Variants in PIBF1 observed in about 807,000 individuals in gnomAD.
PIBF1 encodes the protein progesterone immunomodulatory binding factor 1, also known as progesterone-induced-blocking factor 1.
A neutral mutation model predicts 112.5 loss-of-function variants in PIBF1; 90 were observed. That is an observed-to-expected ratio of 0.80 (90% CI 0.67 to 0.95). The LOEUF (loss-of-function observed/expected upper bound fraction) is 0.95, where lower values mean the gene tolerates loss of function less well. PIBF1 is among the 40% of genes least tolerant of loss of function. The pLI, the probability that PIBF1 is intolerant of heterozygous loss-of-function variation, is 0.00. For missense variants in PIBF1, 915 were observed against 852.3 expected (o/e 1.07, Z -0.92); for synonymous variants, 301 against 288.6 (o/e 1.04, Z -0.44).
intron 11 of PIBF1, among the ~76,000 whole-genome samples, chr13:72,900,248 A>C (rs1194511672): frequency 6.6e-6 from 1 of 152,192 alleles, no homozygotes; most frequent in Non-Finnish European, 1.5e-5. Flanking sequence ...GTTAGAAAAA[A>C]AAATTCTAAA....
intron 5 of PIBF1, among the ~76,000 whole-genome samples, chr13:72,800,544 C>T (rs138798368): frequency 0.011 from 1,681 of 152,270 alleles, 17 homozygotes; most frequent in Non-Finnish European, 0.017. Context: ...AACAGCTTCT[C>T]CGTCCGTAAA....
At chr13:72,898,015 A>G (rs1260390742) in intron 11 of PIBF1, among the ~76,000 whole-genome samples, 1 of 152,198 alleles carries the variant, frequency 6.6e-6, no homozygotes, top group African/African-American at 2.4e-5. Flanking sequence ...TACACATCCT[A>G]TTCAACAGCA....
intron 16 of PIBF1, among the ~76,000 whole-genome samples, chr13:72,995,566 A>G (rs942757182): frequency 2.3e-4 from 35 of 152,184 alleles, no homozygotes; most frequent in African/African-American, 8.0e-4. Flanking sequence ...ATGTTGTTAT[A>G]GGAGAGCCAT....
chr13:72,904,301 A>G (rs756198016), intron 11 of PIBF1, among the ~76,000 whole-genome samples: 37 of 151,968 alleles, frequency 2.4e-4, no homozygotes, highest in Non-Finnish European at 5.0e-4. Flanking sequence ...ATCAGATATT[A>G]AAGTAGTTTC....
chr13:72,976,249 G>A (rs2138951860), intron 16 of PIBF1, among the ~76,000 whole-genome samples: 1 of 151,848 alleles, frequency 6.6e-6, no homozygotes, highest in East Asian at 1.9e-4. Context: ...ACTCCAGCCT[G>A]AGCAATGTAG....
At chr13:72,889,309 T>C (rs2039971738) in intron 10 of PIBF1, among the ~76,000 whole-genome samples, 1 of 152,116 alleles carries the variant, frequency 6.6e-6, no homozygotes, top group Non-Finnish European at 1.5e-5. Context: ...TATCTGGAGA[T>C]TTAGGCCCAT....
chr13:72,842,148 G>C (rs980214066), intron 9 of PIBF1, among the ~76,000 whole-genome samples: 1 of 152,142 alleles, frequency 6.6e-6, no homozygotes, highest in Non-Finnish European at 1.5e-5. Context: ...GCTAGCTTAT[G>C]TTTCCTAATT....
chr13:72,939,869 C>G (rs780222364), intron 14 of PIBF1, among the ~76,000 whole-genome samples: 1 of 152,124 alleles, frequency 6.6e-6, no homozygotes, highest in Non-Finnish European at 1.5e-5. Context: ...TACTGCTTCA[C>G]TCCCTTCTAG....
chr13:72,878,076 CCT>C (rs2039483280), intron 10 of PIBF1, among the ~76,000 whole-genome samples: 2 of 151,862 alleles, frequency 1.3e-5, no homozygotes, highest in East Asian at 3.9e-4. Context: ...TAATTTAGGT[CCT>C]CTCTTTTTCT....
chr13:72,925,454 A>G (rs1033354196), intron 13 of PIBF1, among the ~76,000 whole-genome samples: 6 of 151,872 alleles, frequency 4.0e-5, no homozygotes. Flanking sequence ...TCTGGATTCA[A>G]GTCTCTTAAC....
intron 10 of PIBF1, chr13:72,884,702 T>C (rs909224978): frequency 1.3e-4 from 20 of 152,274 alleles, no homozygotes; most frequent in African/African-American, 4.8e-4. Flanking sequence ...ACTTTTAAAC[T>C]TTCTCATTTT....
chr13:72,853,230 A>G (rs955237905), intron 9 of PIBF1, among the ~76,000 whole-genome samples: 13 of 152,100 alleles, frequency 8.5e-5, no homozygotes, highest in Admixed American at 7.8e-4. Context: ...CTTAACTGAC[A>G]CTAAATGTAT....
At chr13:72,851,829 G>A (rs2038173389) in intron 9 of PIBF1, among the ~76,000 whole-genome samples, 1 of 152,218 alleles carries the variant, frequency 6.6e-6, no homozygotes, top group South Asian at 2.1e-4. Context: ...CGATCTGCCT[G>A]CAGAGAGGAG....
At chr13:72,838,549 A>C (rs2037458747) in intron 9 of PIBF1, among the ~76,000 whole-genome samples, 1 of 152,194 alleles carries the variant, frequency 6.6e-6, no homozygotes, top group Non-Finnish European at 1.5e-5. Context: ...ATAGACAAAA[A>C]AAGTAAAGTG....
chr13:72,990,555 A>G (rs1473204539), intron 16 of PIBF1, among the ~76,000 whole-genome samples: 6 of 148,812 alleles, frequency 4.0e-5, no homozygotes, highest in Admixed American at 1.3e-4. Flanking sequence ...AACCTTTTAA[A>G]TGAAGTTTAA....
chr13:72,949,751 A>C lies in PIBF1; in HGVS notation c.1834-15523A>C, dbSNP rs139989904. Among the ~76,000 whole-genome samples the C allele has an allele frequency of 2.1e-3, 325 of 152,346 alleles. 1 individual carries two copies. The highest frequency in any genetic ancestry group is 4.2e-3 in the East Asian group (22 of 5,186). On this transcript the variant is annotated intron_variant, in intron 14 of 17. Transcript: ENST00000326291. ...AAACAATATCCTTACTATGTACAGT[A>C]CATTCTATTAGTTGCTATTCTGTTC...
chr13:72,855,771 T>C (rs1306399264), intron 10 of PIBF1, among the ~76,000 whole-genome samples: 1 of 152,214 alleles, frequency 6.6e-6, no homozygotes, highest in Non-Finnish European at 1.5e-5. Context: ...TTATTACGTG[T>C]AACGCTTCCA....
intron 14 of PIBF1, among the ~76,000 whole-genome samples, chr13:72,933,894 G>A (rs906565592): frequency 3.9e-5 from 6 of 152,184 alleles, no homozygotes; most frequent in Admixed American, 3.3e-4. Context: ...CATGAGAAAA[G>A]GAGGAAGGGC....
intron 5 of PIBF1, among the ~76,000 whole-genome samples, chr13:72,820,178 AG>A (rs1270006246): frequency 6.6e-6 from 1 of 152,134 alleles, no homozygotes; most frequent in African/African-American, 2.4e-5. Flanking sequence ...AAGAACTCTG[AG>A]GTAGGACACC....
Sources: gnomAD v4.1 joint callset for allele counts (sites outside exome capture counted in the v4.1 genomes callset) on GRCh38, gnomAD v4.1.1 for gene constraint, MANE v1.5 for transcripts, NCBI Gene and HGNC (gene_info 2026-07-23, HGNC 2026-07-21) for gene names.